SMOC2: variants seen among roughly 807,000 people sequenced by gnomAD.
SMOC2 encodes SPARC-related modular calcium-binding protein 2.
In SMOC2, 39 loss-of-function variants were observed where a neutral mutation model predicts 61.4. The observed-to-expected ratio is 0.64, with a 90% confidence interval of 0.49 to 0.83. The LOEUF (loss-of-function observed/expected upper bound fraction) is 0.83, where lower values mean the gene tolerates loss of function less well. Among genes scored for constraint, SMOC2 ranks in the 40% least tolerant of loss-of-function variants. SMOC2 has a pLI of 0.00. For synonymous variants in SMOC2, 247 were observed against 239.9 expected (o/e 1.03, Z -0.27); for missense variants, 556 against 592.9 (o/e 0.94, Z 0.65).
chr6:168,562,949 C>T (rs1451583504), intron 7 of SMOC2, among the ~76,000 whole-genome samples: 1 of 152,232 alleles, frequency 6.6e-6, no homozygotes, highest in Non-Finnish European at 1.5e-5. Context: ...CAACCCTGTT[C>T]CCTCCATCTC....
intron 7 of SMOC2, among the ~76,000 whole-genome samples, chr6:168,579,476 C>T (rs969899253): frequency 1.9e-4 from 29 of 152,188 alleles, no homozygotes; most frequent in Non-Finnish European, 3.8e-4. Flanking sequence ...GTAAGGCTTC[C>T]AAATATAACA....
At chr6:168,441,589 C>G (rs374938062) in intron 1 of SMOC2, 135 bp downstream of exon 1, 4 of 1,242,504 alleles carry the variant, frequency 3.2e-6, no homozygotes, top group Non-Finnish European at 4.1e-6. Flanking sequence ...GCCGTGGAGC[C>G]TTCGCCTGCC....
intron 8 of SMOC2, among the ~76,000 whole-genome samples, chr6:168,605,045 G>A (rs1253074326): frequency 1.3e-5 from 2 of 152,138 alleles, no homozygotes; most frequent in Non-Finnish European, 2.9e-5. Context: ...GGAGCCGAGG[G>A]GCAAGTTTCC....
intron 7 of SMOC2, among the ~76,000 whole-genome samples, chr6:168,574,844 A>G (rs139635352): frequency 1.8e-4 from 27 of 152,320 alleles, no homozygotes; most frequent in African/African-American, 6.3e-4. Flanking sequence ...ACTTAGGCAC[A>G]GAGGGTGACA....
chr6:168,605,487 T>C (rs2115197733), intron 8 of SMOC2, among the ~76,000 whole-genome samples: 1 of 152,298 alleles, frequency 6.6e-6, no homozygotes, highest in South Asian at 2.1e-4. Flanking sequence ...TTCTCCTCTT[T>C]CTCCTCTCTT....
intron 7 of SMOC2, among the ~76,000 whole-genome samples, chr6:168,580,720 T>G (rs951853243): frequency 6.6e-6 from 1 of 152,156 alleles, no homozygotes; most frequent in Non-Finnish European, 1.5e-5. Context: ...TTTTTTCGTT[T>G]TTCATAGTGA....
At chr6:168,639,810 A>G (rs947099756) in intron 9 of SMOC2, among the ~76,000 whole-genome samples, 3 of 152,180 alleles carry the variant, frequency 2.0e-5, no homozygotes, top group Admixed American at 2.0e-4. Context: ...AACAAACTCA[A>G]TCATAAGATT....
In SMOC2 at chr6:168,508,970, GCA is replaced by G. The variant is rs1453566053; in HGVS notation, c.85-942_85-941del. On this transcript the variant is annotated intron_variant, in intron 1 of 12. Transcript: ENST00000356284. Reference sequence around the variant, plus strand: ...CTCTGACAATCCTGTTTGTCCTGGAGCACAGACGCTTCCTCAGGGTCACCTTG... The same window carrying G: ...CTCTGACAATCCTGTTTGTCCTGGAGCAGACGCTTCCTCAGGGTCACCTTG... 4.6e-5 allele frequency among the ~76,000 whole-genome samples: 7 copies of G among 152,342 alleles called. No homozygotes were observed. The East Asian group carries it at 1.2e-3, about 25-fold the overall frequency.
chr6:168,506,281 C>T (rs1404835440), intron 1 of SMOC2, among the ~76,000 whole-genome samples: 1 of 152,176 alleles, frequency 6.6e-6, no homozygotes, highest in African/African-American at 2.4e-5. Flanking sequence ...GCAGATCCTT[C>T]CATCTTGGCC....
chr6:168,486,675 C>A (rs1336052139), intron 1 of SMOC2, among the ~76,000 whole-genome samples: 2 of 151,798 alleles, frequency 1.3e-5, no homozygotes, highest in African/African-American at 2.4e-5. Flanking sequence ...GGATCAGTAA[C>A]TGTTTTGGAG....
At chr6:168,664,436 T>C (rs939074843) in intron 12 of SMOC2, 13 of 423,966 alleles carry the variant, frequency 3.1e-5, no homozygotes, top group Admixed American at 1.4e-4. Context: ...GGTTCTGCCA[T>C]GTTGCCCAGG....
intron 2 of SMOC2, among the ~76,000 whole-genome samples, chr6:168,525,487 A>G (rs189117945): frequency 2.6e-5 from 4 of 152,282 alleles, no homozygotes; most frequent in African/African-American, 9.6e-5. Flanking sequence ...ACTGCTTTTC[A>G]TGTCTCTGTA....
At chr6:168,451,587 C>CTCTCTG (rs1202531864) in intron 1 of SMOC2, among the ~76,000 whole-genome samples, 2 of 133,348 alleles carry the variant, frequency 1.5e-5, no homozygotes, top group Admixed American at 1.6e-4. Flanking sequence ...CTCTCTGTCT[C>CTCTCTG]TCTCTGTCTC....
rs1352062347 is a variant in SMOC2, at chr6:168,511,595, G to A, written c.256+1509G>A. Among the ~76,000 whole-genome samples, 3 of 152,144 alleles carry A rather than the reference G, an allele frequency of 2.0e-5. 1 individual carries two copies. The South Asian group carries it at 6.2e-4, about 31-fold the overall frequency. On this transcript the variant is annotated intron_variant, in intron 2 of 12. Coordinates refer to ENST00000356284, the MANE Select transcript of SMOC2 (RefSeq NM_001166412.2). ...GGGTGATTTCTCAGAGTGCATCCCT[G>A]TCATTAAGAAACATGTGACTTTTCC...
At chr6:168,618,668 G>A (rs959461319) in intron 9 of SMOC2, among the ~76,000 whole-genome samples, 3 of 152,190 alleles carry the variant, frequency 2.0e-5, no homozygotes, top group Admixed American at 2.0e-4. Context: ...ACAAGGCCAG[G>A]GAATGACGAT....
intron 1 of SMOC2, among the ~76,000 whole-genome samples, chr6:168,499,978 G>A (rs765074604): frequency 6.6e-6 from 1 of 152,194 alleles, no homozygotes; most frequent in South Asian, 2.1e-4. Context: ...CGGGTGCTCA[G>A]TGTTCAAGCT....
chr6:168,500,672 C>T (rs571641161), intron 1 of SMOC2, among the ~76,000 whole-genome samples: 1 of 152,258 alleles, frequency 6.6e-6, no homozygotes, highest in South Asian at 2.1e-4. Flanking sequence ...CTGCTGGACT[C>T]CAAGGCCATG....
At chr6:168,575,198 G>A (rs944363825) in intron 7 of SMOC2, among the ~76,000 whole-genome samples, 26 of 152,178 alleles carry the variant, frequency 1.7e-4, no homozygotes, top group Admixed American at 7.9e-4. Flanking sequence ...GCTCAGCACC[G>A]AGTGGCTCGC....
intron 7 of SMOC2, among the ~76,000 whole-genome samples, chr6:168,595,069 T>C (rs1785285286): frequency 9.1e-6 from 1 of 109,356 alleles, no homozygotes. Context: ...ATGGCCGAGC[T>C]CCTCCTCCTT....
Sources: gnomAD v4.1 joint callset for allele counts (sites outside exome capture counted in the v4.1 genomes callset) on GRCh38, gnomAD v4.1.1 for gene constraint, MANE v1.5 for transcripts, NCBI Gene and HGNC (gene_info 2026-07-23, HGNC 2026-07-21) for gene names.